Variants in ANKS1A observed in about 807,000 individuals in gnomAD.
ANKS1A encodes the protein ankyrin repeat and SAM domain-containing protein 1A.
Under a neutral mutation model 120.3 loss-of-function variants are expected in ANKS1A, and 55 were observed. The observed-to-expected ratio is 0.46, with a 90% CI of 0.37 to 0.57. ANKS1A has a LOEUF of 0.57. Among genes scored for constraint, ANKS1A ranks in the 20% least tolerant of loss-of-function variants. The probability of loss-of-function intolerance (pLI) is 0.00; values close to 1 mark genes in which losing one functional copy is unlikely to be tolerated. For synonymous variants in ANKS1A, 590 were observed against 604.7 expected (o/e 0.98, Z 0.36); for missense variants, 1,123 against 1,480.3 (o/e 0.76, Z 3.96).
intron 1 of ANKS1A, among the ~76,000 whole-genome samples, chr6:34,916,054 G>A (rs1464648828): frequency 6.8e-6 from 1 of 147,156 alleles, no homozygotes; most frequent in African/African-American, 2.5e-5. Context: ...GTGCAGTGGT[G>A]CAATCTCGGC....
chr6:34,932,372 A>G (rs955698546), intron 1 of ANKS1A, among the ~76,000 whole-genome samples: 1 of 152,010 alleles, frequency 6.6e-6, no homozygotes, highest in Non-Finnish European at 1.5e-5. Flanking sequence ...TAACAGAGAT[A>G]GGGTTTCACC....
At chr6:34,950,900 G>T (rs1391975799) in intron 1 of ANKS1A, among the ~76,000 whole-genome samples, 1 of 152,220 alleles carries the variant, frequency 6.6e-6, no homozygotes, top group Admixed American at 6.5e-5. Flanking sequence ...GGCAAGGTCA[G>T]GCCCTAGAGG....
intron 10 of ANKS1A, among the ~76,000 whole-genome samples, chr6:35,013,563 G>A (rs1773868303): frequency 6.6e-6 from 1 of 152,198 alleles, no homozygotes; most frequent in South Asian, 2.1e-4. Context: ...CCAAAGCGTT[G>A]GGATTACAGG....
chr6:35,027,765 A>G (rs1432074726), intron 11 of ANKS1A, among the ~76,000 whole-genome samples: 1 of 152,132 alleles, frequency 6.6e-6, no homozygotes, highest in Non-Finnish European at 1.5e-5. Context: ...CTCCCTGCCT[A>G]GGGCTCCTTT....
intron 2 of ANKS1A, among the ~76,000 whole-genome samples, chr6:34,969,067 CAA>C: frequency 6.6e-6 from 1 of 152,016 alleles, no homozygotes; most frequent in South Asian, 2.1e-4. Context: ...GTTTGTTAGC[CAA>C]GTTCATTTCC....
chr6:34,889,690 C>T lies in ANKS1A; in HGVS notation c.197+91C>T. The stretch of plus-strand genomic sequence containing the variant: ...CCCAGAGAGATCGGGGGTCCTGAGA[C>T]TCGGGCGGGGTGGGCTTGTGGCGTG... On this transcript the variant is annotated intron_variant, in intron 1 of 23. Coordinates refer to ENST00000360359, the MANE Select transcript of ANKS1A (RefSeq NM_015245.3). This position sits in a 1 kb window ranked among gnomAD's most constrained non-coding sequence, Gnocchi z 5.5. The T allele has an allele frequency of 8.4e-7, 1 of 1,185,224 alleles. No homozygotes were observed. Among genetic ancestry groups the T allele is most frequent in the Non-Finnish European group, 1.0e-6 (1 of 959,380 alleles). The allele number at this position is 1,185,224 out of a possible 1,614,324, so 73.4% of individuals were successfully genotyped here. A position where few individuals can be genotyped will look rare whatever the true frequency, so the allele number is the denominator to read the frequency against.
Position 35,071,011 on chromosome 6 carries a change from T to C in ANKS1A, c.2185-7547T>C, listed in dbSNP as rs556082980. ...TTTTACAGAGGCCTGCCCATTCCCC[T>C]AGTTTCTTGTTGTCATCAACCTTAC... is the stretch of plus-strand genomic sequence containing the variant. On this transcript the variant is annotated intron_variant, in intron 13 of 23. Transcript: ENST00000360359. The C allele has an allele frequency of 5.6e-5, 29 of 517,142 alleles. No individual in the cohort carries two copies. In the East Asian group the frequency reaches 1.3e-3, roughly 24 times the overall value. The allele number at this position is 517,142 out of a possible 1,614,324, so 32.0% of individuals were successfully genotyped here.
rs565747592 is a variant in ANKS1A at position 35,079,895 on chromosome 6, G to A, written c.2511G>A (p.Pro837=). The change falls in exon 16 of 24, where the codon CCG becomes CCA. Residue 837 remains proline, a synonymous_variant. Transcript: ENST00000360359. The stretch of plus-strand genomic sequence containing the variant: ...TCGCAGACAGACCGTACGAGGAGCC[G>A]CCCCAGAAGCCCCCCAGATTCTCCC... ...ASLADRPYEE[P]PQKPPRFSQL... The A allele has an allele frequency of 1.7e-5, 26 of 1,559,528 alleles. No homozygotes were observed. The highest frequency in any genetic ancestry group is 7.1e-5 in the South Asian group (6 of 84,642).
At chr6:35,094,296 A>G (rs142093870), downstream of ANKS1A, among the ~76,000 whole-genome samples, 47 of 152,330 alleles carry the variant, frequency 3.1e-4, no homozygotes, top group Non-Finnish European at 5.4e-4. Flanking sequence ...ACACTTAGCC[A>G]GACATGGTGG....
intron 17 of ANKS1A, 116 bp downstream of exon 17, chr6:35,081,274 G>A (rs1777660610): frequency 1.5e-6 from 2 of 1,362,472 alleles, no homozygotes; most frequent in South Asian, 3.0e-5. Flanking sequence ...TGGCACCAGA[G>A]TCAGGAGGCA....
intron 11 of ANKS1A, among the ~76,000 whole-genome samples, chr6:35,048,586 GGGA>G (rs1156611395): frequency 2.6e-5 from 4 of 152,074 alleles, no homozygotes; most frequent in African/African-American, 9.7e-5. Flanking sequence ...AATTCAGTCT[GGGA>G]GGAGAAGGAA....
intron 1 of ANKS1A, among the ~76,000 whole-genome samples, chr6:34,960,233 C>A (rs150476324): frequency 1.3e-5 from 2 of 152,142 alleles, no homozygotes; most frequent in Non-Finnish European, 2.9e-5. Flanking sequence ...TTCTGATGAC[C>A]TTATCTCAAA....
rs1254016530 is a variant in ANKS1A, at chr6:34,889,917, A to G, written c.197+318A>G. Among the ~76,000 whole-genome samples, 1 of 150,936 alleles carries G rather than the reference A, an allele frequency of 6.6e-6. No homozygotes were observed. Among genetic ancestry groups the G allele is most frequent in the East Asian group, 2.0e-4 (1 of 5,082 alleles). ...AGGGTGCCAGCTATCGTAGCTCACA[A>G]AAGCCAATTAAGAGCAAATATGTAT... On this transcript the variant is annotated intron_variant, in intron 1 of 23. Transcript: ENST00000360359. This position sits in a 1 kb window ranked among gnomAD's most constrained non-coding sequence, Gnocchi z 5.5.
In ANKS1A at chr6:34,983,120, C is replaced by T. The variant is rs35226664; in HGVS notation, c.816C>T (p.Asp272=). ...CCTGGTGTGCCTTTCTAGGAACTGACGTCAACATAAAAGATAACCATGGAC... is the reference window on the plus strand; with the variant it reads ...CCTGGTGTGCCTTTCTAGGAACTGATGTCAACATAAAAGATAACCATGGAC... The part of the protein sequence containing the change: ...VVQILLAAGT[D]VNIKDNHGLT... The change falls in exon 6 of 24, where the codon GAC becomes GAT. Residue 272 remains aspartate (D), a synonymous_variant. Coordinates refer to ENST00000360359, the MANE Select transcript of ANKS1A (RefSeq NM_015245.3). 73 of 1,613,958 alleles carry T rather than the reference C, an allele frequency of 4.5e-5. No individual in the cohort carries two copies. The African/African-American group carries it at 8.0e-4, about 18-fold the overall frequency.
chr6:35,040,014 T>C lies in ANKS1A; in HGVS notation c.2011-14085T>C, dbSNP rs527696758. On this transcript the variant is annotated intron_variant, in intron 11 of 23. Transcript: ENST00000360359. ...TCCCTCTTCTATATAAACCCTACCCTCATGAATTCCTCTAACCCTAATTAC... is the reference window on the plus strand; with the variant it reads ...TCCCTCTTCTATATAAACCCTACCCCCATGAATTCCTCTAACCCTAATTAC... Among the ~76,000 whole-genome samples the C allele has an allele frequency of 3.9e-5, 6 of 152,196 alleles. No individual in the cohort carries two copies. In the South Asian group the frequency reaches 1.2e-3, roughly 32 times the overall value.
intron 10 of ANKS1A, among the ~76,000 whole-genome samples, chr6:35,013,636 C>T (rs548195359): frequency 2.6e-5 from 4 of 152,320 alleles, no homozygotes; most frequent in African/African-American, 9.6e-5. Context: ...TGAGGACAGA[C>T]ACTTCATACA....
Position 35,017,886 on chromosome 6 carries a change from C to T in ANKS1A, c.1837C>T (p.Pro613Ser), listed in dbSNP as rs1470974941. ...ARSRAPPTSK[P>S]KAELKLSRSL... ...GAGCCGAGCGCCTCCCACTAGCAAACCCAAAGCTGAACTCAAACTCAGCCG... is the reference window on the plus strand; with the variant it reads ...GAGCCGAGCGCCTCCCACTAGCAAATCCAAAGCTGAACTCAAACTCAGCCG... The change falls in exon 11 of 24, where the codon CCC becomes TCC. Residue 613 changes from proline (P) to serine (S), a missense_variant. This residue lies in a region of ANKS1A where 904 missense variants were observed against 1,130.4 expected (regional missense o/e 0.80). Transcript: ENST00000360359. 1 of 1,614,098 alleles carries T rather than the reference C, an allele frequency of 6.2e-7. No individual in the cohort carries two copies. The highest frequency in any genetic ancestry group is 8.5e-7 in the Non-Finnish European group (1 of 1,180,036).
chr6:35,012,254 AGCTCTTATTCT>A (rs1251651898), intron 10 of ANKS1A, among the ~76,000 whole-genome samples: 1 of 152,178 alleles, frequency 6.6e-6, no homozygotes, highest in Non-Finnish European at 1.5e-5. Flanking sequence ...ATCCCTGTCT[AGCTCTTATTCT>A]ATTTCTCAGG....
At chr6:34,896,836 C>G (rs1767112749) in intron 1 of ANKS1A, among the ~76,000 whole-genome samples, 1 of 152,002 alleles carries the variant, frequency 6.6e-6, no homozygotes, top group Admixed American at 6.6e-5. Flanking sequence ...TGGTGGCCTG[C>G]ATCTGTAATC....
Sources: allele counts gnomAD v4.1 joint callset (sites outside exome capture counted in the v4.1 genomes callset), GRCh38; gene constraint gnomAD v4.1.1; regional missense constraint gnomAD v4.1.1; non-coding constraint Gnocchi (gnomAD v3.1); transcripts MANE v1.5; gene names NCBI Gene and HGNC (gene_info 2026-07-23, HGNC 2026-07-21).